The following CFHR5 variants were observed in gnomAD, a reference collection of about 807,000 sequenced individuals.
CFHR5 encodes complement factor H-related protein 5.
In CFHR5, 73 loss-of-function variants were observed where a neutral mutation model predicts 62.9. The ratio of observed to expected loss-of-function variants is 1.16; its 90% CI spans 0.96 to 1.41. CFHR5 has a LOEUF of 1.41. Among genes scored for constraint, CFHR5 ranks in the 40% most tolerant of loss-of-function variants. The pLI is 0.00. For synonymous variants in CFHR5, 249 were observed against 227.2 expected, an observed-to-expected ratio of 1.10 and a Z score of -0.86; for missense variants, 779 against 679.9, an observed-to-expected ratio of 1.15 and a Z score of -1.62.
At position 196,998,188 on chromosome 1, in the gene CFHR5, T is replaced by G. The variant is rs201472083; in HGVS notation, c.1031T>G (p.Leu344Arg). 25 of 1,602,864 alleles carry G rather than the reference T, an allele frequency of 1.6e-5. No homozygotes were observed. The highest frequency in any genetic ancestry group is 1.2e-5 in the Non-Finnish European group (14 of 1,173,724). The change falls in exon 7 of 10, where the codon CTA becomes CGA. Residue 344 changes from leucine to arginine, a missense_variant. Coordinates refer to ENST00000256785, the MANE Select transcript of CFHR5 (RefSeq NM_030787.4). ...AGVNIKTLLK[L>R]SGKEFNHNSR... ...GTTAATATAAAAACATTACTCAAGC[T>G]ATCTGGGAAAGAATTTAATCATAAT...
chr1:196,993,924 A>G (rs142319669), intron 3 of CFHR5, among the ~76,000 whole-genome samples, 156 bp from the exon 4 acceptor site: 2,059 of 152,216 alleles, frequency 0.014, 46 homozygotes, highest in African/African-American at 0.045. Context: ...AGATATATTT[A>G]TTGGGTATAA....
At chr1:196,993,687 T>C (rs1016756921) in intron 3 of CFHR5, among the ~76,000 whole-genome samples, 1 of 152,152 alleles carries the variant, frequency 6.6e-6, no homozygotes, top group African/African-American at 2.4e-5. Flanking sequence ...AAGGAATTTT[T>C]TGTGATTTAG....
intron 3 of CFHR5, among the ~76,000 whole-genome samples, chr1:196,987,083 T>A (rs1240222315): frequency 6.6e-6 from 1 of 152,230 alleles, no homozygotes; most frequent in Non-Finnish European, 1.5e-5. Flanking sequence ...AGATGGTATC[T>A]CATTGTGGTT....
In CFHR5 at chr1:196,979,275, T is replaced by TGTGTGTGC. The variant is rs1318699404; in HGVS notation, c.58+1560_58+1561insCGTGTGTG. Reference sequence around the variant, plus strand: ...AATTGTCTGTGTGTGTGTGTGTGTGTGTGTGTGTGTGTACACTCATACATC... The same window carrying TGTGTGTGC: ...AATTGTCTGTGTGTGTGTGTGTGTGTGTGTGTGCGTGTGTGTGTGTACACTCATACATC... On this transcript the variant is annotated intron_variant, in intron 1 of 9. Coordinates refer to ENST00000256785, the MANE Select transcript of CFHR5 (RefSeq NM_030787.4). Among the ~76,000 whole-genome samples, 85 of 152,056 alleles carry TGTGTGTGC rather than the reference T, an allele frequency of 5.6e-4. 1 individual carries two copies. The highest frequency in any genetic ancestry group is 2.0e-3 in the African/African-American group (83 of 41,482).
chr1:196,975,393 A>G (rs1225566027), upstream of CFHR5, among the ~76,000 whole-genome samples: 3 of 152,182 alleles, frequency 2.0e-5, no homozygotes, highest in African/African-American at 7.2e-5. Context: ...GATGTTTGGT[A>G]TGTTTGCATA....
At chr1:196,983,908 T>C in intron 2 of CFHR5, 53 bp from the exon 3 acceptor site, 1 of 1,249,506 alleles carries the variant, frequency 8.0e-7, no homozygotes. Context: ...TATTTTTAAA[T>C]GCACTTTTTT....
At chr1:197,005,595 C>T (rs1654265000) in intron 9 of CFHR5, among the ~76,000 whole-genome samples, 1 of 152,020 alleles carries the variant, frequency 6.6e-6, no homozygotes, top group South Asian at 2.1e-4. Flanking sequence ...TTAATAACAC[C>T]AATTATGGGA....
At position 196,995,838 on chromosome 1, in the gene CFHR5, A is replaced by T; in HGVS notation, c.729A>T (p.Ile243=). Residue 243 remains isoleucine, a synonymous_variant, in exon 5 of 10, where the codon ATA becomes ATT. Transcript: ENST00000256785. ...ATGATTGCAATCCTAATTTTATAAT[A>T]AACGGGCCTAAGAAAATACAATGTG... ...VEYDCNPNFI[I]NGPKKIQCVD... is the part of the protein sequence containing the mutation. The T allele has an allele frequency of 6.2e-7, 1 of 1,613,310 alleles. No homozygotes were observed. The highest frequency in any genetic ancestry group is 1.3e-5 in the African/African-American group (1 of 75,024).
chr1:196,986,525 C>G (rs1653686876), intron 3 of CFHR5, among the ~76,000 whole-genome samples: 1 of 152,042 alleles, frequency 6.6e-6, no homozygotes. Context: ...CCCTACCTCC[C>G]ACCCTACAAC....
At chr1:196,999,614 G>A (rs78629106) in intron 7 of CFHR5, among the ~76,000 whole-genome samples, 29,608 of 147,366 alleles carry the variant, frequency 0.2, 3,189 homozygotes, top group Middle Eastern at 0.34. Context: ...AAACCTATGA[G>A]ATGCAACCTA....
chr1:196,998,329 T>C, intron 7 of CFHR5, 25 bp downstream of exon 7: 1 of 1,572,150 alleles, frequency 6.4e-7, no homozygotes, highest in East Asian at 2.3e-5. Flanking sequence ...AAACATTTTG[T>C]TGATCTTGTT....
rs556728058 is a variant in CFHR5 at position 197,003,933 on chromosome 1, G to T, written c.1331-728G>T. On this transcript the variant is annotated intron_variant, in intron 8 of 9. Transcript: ENST00000256785. ...AAGAAGGATCTTTTACAAGTTTAAA[G>T]GTGAAAGAATCTAGTGTCATCATGA... Among the ~76,000 whole-genome samples the T allele has an allele frequency of 6.2e-4, 94 of 152,212 alleles. No individual in the cohort carries two copies. In the South Asian group the frequency reaches 0.011, roughly 17 times the overall value.
At chr1:196,975,820 C>A (rs772299217), upstream of CFHR5, among the ~76,000 whole-genome samples, 16 of 152,080 alleles carry the variant, frequency 1.1e-4, no homozygotes, top group South Asian at 2.1e-4. Context: ...AGGCACAGGG[C>A]AGGTAGAGAA....
chr1:197,002,431 G>A, intron 7 of CFHR5, 51 bp from the exon 8 acceptor site: 1 of 1,448,682 alleles, frequency 6.9e-7, no homozygotes, highest in Non-Finnish European at 9.6e-7. Context: ...CTATTGAGCT[G>A]TTTTTACTTA....
rs747371004 is a variant in CFHR5 at position 197,004,860 on chromosome 1, C to T, written c.1513+17C>T. ...GATGCCTAGGTGAGTTCTTAATATT[C>T]TCTTGGAATCTGAGATTTAATATTT... On this transcript the variant is annotated intron_variant, in intron 9 of 9. Transcript: ENST00000256785. 4.5e-6 allele frequency: 7 copies of T among 1,567,998 alleles called. No homozygotes were observed. Among genetic ancestry groups the T allele is most frequent in the Non-Finnish European group, 5.3e-6 (6 of 1,138,536 alleles).
Position 196,996,019 on chromosome 1 carries a change from T to C in CFHR5, c.791-3T>C. 1 of 1,613,618 alleles carries C rather than the reference T, an allele frequency of 6.2e-7. No homozygotes were observed. Among genetic ancestry groups the C allele is most frequent in the Non-Finnish European group, 8.5e-7 (1 of 1,179,604 alleles). Reference sequence around the variant, plus strand: ...AAGCACTCATTTTATTACATTTTCTTAGAACAAGTGAAAACATGTGGATAC... The same window carrying C: ...AAGCACTCATTTTATTACATTTTCTCAGAACAAGTGAAAACATGTGGATAC... On this transcript the variant is annotated splice_region_variant and splice_polypyrimidine_tract_variant and intron_variant, in intron 5 of 9. Coordinates refer to ENST00000256785, the MANE Select transcript of CFHR5 (RefSeq NM_030787.4).
chr1:196,997,702 C>T (rs1017873451), intron 6 of CFHR5, among the ~76,000 whole-genome samples: 1 of 152,152 alleles, frequency 6.6e-6, no homozygotes, highest in African/African-American at 2.4e-5. Flanking sequence ...AGATCTATCT[C>T]TTACTGATGC....
At chr1:197,004,955 C>A in intron 9 of CFHR5, 112 bp downstream of exon 9, 1 of 871,454 alleles carries the variant, frequency 1.1e-6, no homozygotes, top group Non-Finnish European at 1.8e-6. Context: ...CAAAATCTTT[C>A]CTGTCAAATG....
rs12097550 is a variant in CFHR5 at position 196,982,962 on chromosome 1, C to T, written c.136C>T (p.Pro46Ser). ...AGATTATAACCCTTTTTCCCAAGTT[C>T]CTACAGGGGAAGTTTTCTATTACTC... ...EEDYNPFSQV[P>S]TGEVFYYSCE... The change falls in exon 2 of 10, where the codon CCT becomes TCT. Residue 46 changes from proline (P) to serine (S), a missense_variant. By Grantham distance (74) the Pro-to-Ser change is moderately conservative (BLOSUM62 -1). Transcript: ENST00000256785. The T allele has an allele frequency of 6.2e-3, 10,038 of 1,613,936 alleles. 68 individuals are homozygous for T. The highest frequency in any genetic ancestry group is 0.029 in the Middle Eastern group (175 of 6,060).
Sources: gnomAD v4.1 joint callset for allele counts (sites outside exome capture counted in the v4.1 genomes callset) on GRCh38, gnomAD v4.1.1 for gene constraint, MANE v1.5 for transcripts, NCBI Gene and HGNC (gene_info 2026-07-23, HGNC 2026-07-21) for gene names.